Variants in KCNMA1 observed in about 807,000 individuals in gnomAD.
The protein encoded by KCNMA1 is potassium calcium-activated channel subfamily M alpha 1.
In KCNMA1, 29 loss-of-function variants were observed where a neutral mutation model predicts 140.0. The observed-to-expected ratio is 0.21, with a 90% CI of 0.15 to 0.28. The LOEUF is 0.28. KCNMA1 is among the 10% of genes least tolerant of loss of function. The probability of loss-of-function intolerance (pLI) is 1.00; values close to 1 mark genes in which losing one functional copy is unlikely to be tolerated. For synonymous variants in KCNMA1, 612 were observed against 611.9 expected, an observed-to-expected ratio of 1.00 and a Z score of 0.00; for missense variants, 880 against 1,602.2, an observed-to-expected ratio of 0.55 and a Z score of 7.70.
At chr10:77,449,969 A>G (rs2097602164) in intron 1 of KCNMA1, among the ~76,000 whole-genome samples, 2 of 151,744 alleles carry the variant, frequency 1.3e-5, no homozygotes, top group Admixed American at 6.6e-5. Context: ...TTTAAAATAG[A>G]GAATGTGTCT....
chr10:77,064,780 G>A (rs1003813375), intron 14 of KCNMA1, among the ~76,000 whole-genome samples: 11 of 152,150 alleles, frequency 7.2e-5, no homozygotes, highest in South Asian at 6.2e-4. Context: ...ATAGGATACT[G>A]GGGTTTAGCA....
At chr10:77,478,257 A>G (rs1232119330) in intron 1 of KCNMA1, among the ~76,000 whole-genome samples, 2 of 152,186 alleles carry the variant, frequency 1.3e-5, no homozygotes, top group Non-Finnish European at 2.9e-5. Context: ...ATAAAAGTCT[A>G]TTATGTCTGT....
At chr10:77,037,498 G>A (rs1273030466) in intron 15 of KCNMA1, among the ~76,000 whole-genome samples, 1 of 152,144 alleles carries the variant, frequency 6.6e-6, no homozygotes, top group Non-Finnish European at 1.5e-5. Context: ...GCCTGTAGGG[G>A]GAGCAGTCCT....
intron 14 of KCNMA1, among the ~76,000 whole-genome samples, chr10:77,047,056 A>G (rs1594696397): frequency 1.3e-5 from 2 of 152,352 alleles, no homozygotes; most frequent in African/African-American, 4.8e-5. Context: ...CAGGGACTCC[A>G]TAACAATTTG....
intron 1 of KCNMA1, among the ~76,000 whole-genome samples, chr10:77,626,383 T>C (rs2092521594): frequency 6.6e-6 from 1 of 152,088 alleles, no homozygotes; most frequent in Non-Finnish European, 1.5e-5. Context: ...TCCTCTAAGC[T>C]CTGGGAGGAA....
intron 1 of KCNMA1, among the ~76,000 whole-genome samples, chr10:77,419,986 C>G (rs970994900): frequency 2.0e-5 from 3 of 152,182 alleles, no homozygotes; most frequent in African/African-American, 7.2e-5. Context: ...TGCTGTTATC[C>G]CAGCTTTAGA....
At chr10:76,976,400 G>A (rs2077528395) in intron 19 of KCNMA1, among the ~76,000 whole-genome samples, 1 of 152,126 alleles carries the variant, frequency 6.6e-6, no homozygotes, top group African/African-American at 2.4e-5. Context: ...TCAACACAGA[G>A]TAATGAAAGA....
chr10:77,060,548 CAA>C (rs1332654898), intron 14 of KCNMA1, among the ~76,000 whole-genome samples: 4 of 152,198 alleles, frequency 2.6e-5, no homozygotes, highest in Admixed American at 2.6e-4. Flanking sequence ...TGATCACACC[CAA>C]AGTCTCACCC....
intron 1 of KCNMA1, among the ~76,000 whole-genome samples, chr10:77,445,611 G>C (rs1603622646): frequency 6.6e-6 from 1 of 152,102 alleles, no homozygotes; most frequent in East Asian, 1.9e-4. Context: ...CAAGCATTGG[G>C]AGAAAGGGAG....
chr10:77,481,477 AAACT>A (rs1413808856), intron 1 of KCNMA1, among the ~76,000 whole-genome samples: 1 of 152,110 alleles, frequency 6.6e-6, no homozygotes, highest in African/African-American at 2.4e-5. Flanking sequence ...AATTGTTTAG[AAACT>A]AACAGGTGCC....
chr10:77,259,119 T>C (rs961229993), intron 2 of KCNMA1, among the ~76,000 whole-genome samples: 3 of 152,156 alleles, frequency 2.0e-5, no homozygotes, highest in African/African-American at 7.2e-5. Context: ...ATTTGACTTA[T>C]GGAAGCACAT....
chr10:77,378,779 C>G (rs1365599087), intron 2 of KCNMA1, among the ~76,000 whole-genome samples: 1 of 152,162 alleles, frequency 6.6e-6, no homozygotes, highest in Non-Finnish European at 1.5e-5. Flanking sequence ...AAGCATGGTG[C>G]AATCTCACAG....
At chr10:77,502,148 G>T (rs546141777) in intron 1 of KCNMA1, among the ~76,000 whole-genome samples, 2 of 152,288 alleles carry the variant, frequency 1.3e-5, no homozygotes, top group South Asian at 4.2e-4. Flanking sequence ...ACATTGGGTT[G>T]CCATGAAACC....
chr10:77,337,411 G>A lies in KCNMA1; in HGVS notation c.540+66451C>T, dbSNP rs560790420. Among the ~76,000 whole-genome samples the A allele has an allele frequency of 8.5e-5, 13 of 152,260 alleles. No individual in the cohort carries two copies. In the South Asian group the frequency reaches 2.1e-3, roughly 24 times the overall value. ...TAAGGCAGGCGGGTCATTTGAGGTC[G>A]AGTTCCAGACCTGCATGGGCAACAT... On this transcript the variant is annotated intron_variant, in intron 2 of 27. Transcript: ENST00000286628.
intron 5 of KCNMA1, among the ~76,000 whole-genome samples, chr10:77,139,291 T>C (rs2098118423): frequency 6.6e-6 from 1 of 152,218 alleles, no homozygotes; most frequent in African/African-American, 2.4e-5. Flanking sequence ...TTAATCCTGA[T>C]TCTCTCCAAG....
rs138280431 is a variant in KCNMA1, at chr10:77,159,920, T to C, written c.808+23501A>G. 1.0e-3 allele frequency among the ~76,000 whole-genome samples: 152 copies of C among 152,342 alleles called. 1 individual carries two copies. Among genetic ancestry groups the C allele is most frequent in the African/African-American group, 3.5e-3 (146 of 41,576 alleles). ...CATGTCTAAATTCACAAAACATTCATTGAGGGTTCCTTTTAGTAACTTCAG... is the reference window on the plus strand; with the variant it reads ...CATGTCTAAATTCACAAAACATTCACTGAGGGTTCCTTTTAGTAACTTCAG... On this transcript the variant is annotated intron_variant, in intron 5 of 27. Transcript: ENST00000286628.
At chr10:77,347,279 A>G (rs545404831) in intron 2 of KCNMA1, among the ~76,000 whole-genome samples, 1 of 152,340 alleles carries the variant, frequency 6.6e-6, no homozygotes, top group Admixed American at 6.5e-5. Context: ...GCATCACTGC[A>G]TGCATAAGAA....
intron 5 of KCNMA1, among the ~76,000 whole-genome samples, chr10:77,135,571 A>AT (rs1485135289): frequency 6.6e-6 from 1 of 152,238 alleles, no homozygotes; most frequent in African/African-American, 2.4e-5. Context: ...ACTATTCACA[A>AT]TAGCCAAGGT....
chr10:77,587,643 G>A, intron 1 of KCNMA1: 1 of 945,498 alleles, frequency 1.1e-6, no homozygotes, highest in Non-Finnish European at 1.3e-6. Context: ...TGAGTGTCCG[G>A]TGCTCTGAGG....
Sources: gnomAD v4.1 joint callset for allele counts (sites outside exome capture counted in the v4.1 genomes callset) on GRCh38, gnomAD v4.1.1 for gene constraint, MANE v1.5 for transcripts, NCBI Gene and HGNC (gene_info 2026-07-23, HGNC 2026-07-21) for gene names.